F8: variants seen among roughly 807,000 people sequenced by gnomAD.
F8 encodes antihemophilic factor.
Under a neutral mutation model 140.6 loss-of-function variants are expected in F8, and 12 were observed. The observed-to-expected ratio is 0.09, with a 90% CI of 0.05 to 0.14. The LOEUF (loss-of-function observed/expected upper bound fraction) is 0.14, where lower values mean the gene tolerates loss of function less well. Ranked by LOEUF, F8 falls within the 10% of genes least tolerant of loss-of-function variation. The probability of loss-of-function intolerance (pLI) is 1.00; values close to 1 mark genes in which losing one functional copy is unlikely to be tolerated. For missense variants in F8, 1,354 were observed against 1,720.7 expected, an observed-to-expected ratio of 0.79 and a Z score of 3.77; for synonymous variants, 585 against 614.6, an observed-to-expected ratio of 0.95 and a Z score of 0.71.
chrX:154,842,007 G>C (rs2072525601), intron 25 of F8, among the ~76,000 whole-genome samples: 1 of 111,497 alleles, frequency 9.0e-6, no homozygotes, highest in African/African-American at 3.3e-5. Context: ...TTGAAAAATT[G>C]GTAGAATATA....
chrX:154,838,011 C>T (rs1396271492), intron 25 of F8, among the ~76,000 whole-genome samples: 1 of 112,215 alleles, frequency 8.9e-6, no homozygotes, highest in African/African-American at 3.2e-5. Flanking sequence ...GTGCTTTGTC[C>T]TGGGTCACAC....
At position 154,903,954 on chromosome X, in the gene F8, C is replaced by G. The variant is rs782504844; in HGVS notation, c.5950G>C (p.Val1984Leu). 5.8e-6 allele frequency: 7 copies of G among 1,208,121 alleles called. No homozygotes were observed. In the African/African-American group the frequency reaches 8.8e-5, roughly 15 times the overall value. ...ATTTTATACTCCTCTTTTTTTCGTA[C>G]AGTGAACACATGTCCACTGAAATGA... ...SIHFSGHVFT[V>L]RKKEEYKMAL... The change falls in exon 18 of 26, where the codon GTA becomes CTA. Residue 1984 changes from valine (V) to leucine (L), a missense_variant. Val to Leu is a conservative substitution (Grantham distance 32). Around this residue, in one of 4 missense-constraint regions of F8, gnomAD observed 316 missense variants for 485.4 expected, o/e 0.65. Transcript: ENST00000360256.
At chrX:154,907,466 T>A (rs1251076373) in intron 14 of F8, among the ~76,000 whole-genome samples, 2 of 112,277 alleles carry the variant, frequency 1.8e-5, no homozygotes, top group African/African-American at 6.5e-5. Flanking sequence ...TTGGGCGGAA[T>A]TACTAGGTAT....
intron 22 of F8, among the ~76,000 whole-genome samples, chrX:154,873,999 T>C (rs28532067): frequency 0.012 from 1,382 of 112,233 alleles, 24 homozygotes; most frequent in African/African-American, 0.042. Context: ...GGGATTGCAT[T>C]AAACTAAAAA....
intron 12 of F8, 98 bp from the exon 13 acceptor site, chrX:154,948,005 G>T: frequency 1.5e-6 from 1 of 669,471 alleles, no homozygotes; most frequent in Non-Finnish European, 2.4e-6. Flanking sequence ...TATATGTTAT[G>T]CCCATTATCT....
At chrX:154,869,442 A>C (rs908099255) in intron 22 of F8, among the ~76,000 whole-genome samples, 7 of 111,907 alleles carry the variant, frequency 6.3e-5, no homozygotes, top group Non-Finnish European at 1.1e-4. Context: ...CTCCTGAATG[A>C]CTACTGGGTA....
intron 14 of F8, among the ~76,000 whole-genome samples, chrX:154,922,263 T>C (rs2073135906): frequency 8.9e-6 from 1 of 112,460 alleles, no homozygotes; most frequent in African/African-American, 3.2e-5. Context: ...GCCTCCACTC[T>C]TGCCCATGGA....
chrX:154,939,324 G>A (rs1345134610), intron 13 of F8, among the ~76,000 whole-genome samples: 1 of 112,247 alleles, frequency 8.9e-6, no homozygotes, highest in African/African-American at 3.2e-5. Context: ...CCCTAATACT[G>A]CGCTCTTCCA....
At chrX:155,003,544 G>T (rs1357114762) in intron 1 of F8, among the ~76,000 whole-genome samples, 1 of 111,245 alleles carries the variant, frequency 9.0e-6, no homozygotes, top group East Asian at 2.8e-4. Flanking sequence ...AATGCCAGAA[G>T]AAGAATGCAG....
intron 25 of F8, among the ~76,000 whole-genome samples, chrX:154,842,981 G>C (rs1271703519): frequency 9.0e-6 from 1 of 111,311 alleles, no homozygotes; most frequent in East Asian, 2.8e-4. Flanking sequence ...GGTGTGTGAT[G>C]TTCCCCTACC....
chrX:155,004,518 A>G (rs782758550), intron 1 of F8, among the ~76,000 whole-genome samples: 1 of 111,893 alleles, frequency 8.9e-6, no homozygotes, highest in East Asian at 2.8e-4. Context: ...GGATGTATGA[A>G]AGGAGGAGCC....
intron 15 of F8, 88 bp from the exon 16 acceptor site, chrX:154,905,111 A>G: frequency 1.4e-6 from 1 of 737,934 alleles, no homozygotes; most frequent in East Asian, 3.3e-5. Flanking sequence ...TAAAAGAAAT[A>G]CCTGTCTTTT....
At chrX:154,900,010 G>C (rs2073001764) in intron 20 of F8, 59 bp from the exon 21 acceptor site, 1 of 1,017,644 alleles carries the variant, frequency 9.8e-7, no homozygotes, top group African/African-American at 1.9e-5. Flanking sequence ...AGACACTTGA[G>C]AATAAAATTA....
chrX:154,894,918 A>G (rs192343389), intron 22 of F8, among the ~76,000 whole-genome samples: 36 of 111,595 alleles, frequency 3.2e-4, no homozygotes, highest in Admixed American at 2.8e-3. Flanking sequence ...CAGCTGTTAA[A>G]TAATCCTAAC....
intron 12 of F8, among the ~76,000 whole-genome samples, chrX:154,950,911 G>A (rs1022289526): frequency 8.9e-6 from 1 of 112,251 alleles, no homozygotes; most frequent in Non-Finnish European, 1.9e-5. Flanking sequence ...TGATTGTAAC[G>A]TGTCTTCATA....
intron 22 of F8, among the ~76,000 whole-genome samples, chrX:154,868,218 T>C (rs1213644085): frequency 9.0e-6 from 1 of 111,666 alleles, no homozygotes; most frequent in East Asian, 2.8e-4. Flanking sequence ...TGGGAGGTGA[T>C]TGGATCATGG....
In F8 at chrX:154,929,391, G is replaced by A. The variant is rs199759311; in HGVS notation, c.4399C>T (p.Leu1467=). ...AKKNNLSLAI[L]TLEMTGDQRE... is the part of the protein sequence containing the mutation. ...TGATCACCAGTCATCTCCAAGGTTAGAATGGCTAAAGAAAGGTTATTTTTT... is the reference window on the plus strand; with the variant it reads ...TGATCACCAGTCATCTCCAAGGTTAAAATGGCTAAAGAAAGGTTATTTTTT... The change falls in exon 14 of 26, where the codon CTA becomes TTA. Residue 1467 remains leucine, a synonymous_variant. Coordinates refer to ENST00000360256, the MANE Select transcript of F8 (RefSeq NM_000132.4). 4.0e-5 allele frequency: 49 copies of A among 1,210,162 alleles called. No individual in the cohort carries two copies. Among genetic ancestry groups the A allele is most frequent in the Non-Finnish European group, 3.8e-5 (34 of 895,201 alleles).
At chrX:154,966,383 G>A (rs782396704) in intron 8 of F8, 43 bp downstream of exon 8, 3 of 1,201,174 alleles carry the variant, frequency 2.5e-6, no homozygotes, top group Admixed American at 4.4e-5. Flanking sequence ...AGAACTTTTT[G>A]AGTATGGGGA....
intron 22 of F8, among the ~76,000 whole-genome samples, chrX:154,894,177 C>T (rs1440749591): frequency 2.7e-5 from 3 of 112,608 alleles, no homozygotes; most frequent in African/African-American, 9.7e-5. Flanking sequence ...TCTCAAGCCT[C>T]TCTAAAATGT....
Sources: gnomAD v4.1 joint callset for allele counts (sites outside exome capture counted in the v4.1 genomes callset) on GRCh38, gnomAD v4.1.1 for gene constraint, gnomAD v4.1.1 regional missense constraint, MANE v1.5 for transcripts, NCBI Gene and HGNC (gene_info 2026-07-23, HGNC 2026-07-21) for gene names.